The following SHB variants were observed in gnomAD, a reference collection of about 807,000 sequenced individuals.
The protein encoded by SHB is SH2 domain-containing adapter protein B.
In SHB, 20 loss-of-function variants were observed where a neutral mutation model predicts 52.3. The ratio of observed to expected loss-of-function variants is 0.38; its 90% confidence interval spans 0.27 to 0.56. SHB has a LOEUF of 0.56. Ranked by LOEUF, SHB falls within the 20% of genes least tolerant of loss-of-function variation. SHB has a pLI of 0.71. For synonymous variants in SHB, 397 were observed against 316.5 expected, an observed-to-expected ratio of 1.25 and a Z score of -2.70; for missense variants, 825 against 723.3, an observed-to-expected ratio of 1.14 and a Z score of -1.61.
chr9:37,983,816 G>A (rs981713976), intron 2 of SHB, among the ~76,000 whole-genome samples: 3 of 152,320 alleles, frequency 2.0e-5, no homozygotes, highest in African/African-American at 7.2e-5. Context: ...GGGCCCCAGC[G>A]GTGTCAGGAA....
intron 1 of SHB, among the ~76,000 whole-genome samples, chr9:38,026,034 C>A (rs1342415316): frequency 6.6e-6 from 1 of 152,234 alleles, no homozygotes; most frequent in Non-Finnish European, 1.5e-5. Flanking sequence ...ATAGGCACAG[C>A]CTGTTGGTCC....
chr9:38,030,259 T>A (rs1034621583), intron 1 of SHB, among the ~76,000 whole-genome samples: 2 of 152,212 alleles, frequency 1.3e-5, no homozygotes, highest in Non-Finnish European at 2.9e-5. Flanking sequence ...TCCTGGACCA[T>A]GTACAACTTC....
intron 5 of SHB, among the ~76,000 whole-genome samples, chr9:37,921,408 T>C (rs1451473539): frequency 6.6e-6 from 1 of 152,220 alleles, no homozygotes; most frequent in African/African-American, 2.4e-5. Flanking sequence ...CCCACTCTAT[T>C]AACACCTTAA....
intron 1 of SHB, among the ~76,000 whole-genome samples, chr9:38,027,373 T>C (rs1414855376): frequency 1.3e-5 from 2 of 152,162 alleles, no homozygotes; most frequent in Non-Finnish European, 2.9e-5. Context: ...AAGGGATACA[T>C]AGTGCCTGTC....
intron 2 of SHB, among the ~76,000 whole-genome samples, chr9:38,011,431 T>C (rs549732108): frequency 1.3e-5 from 2 of 151,988 alleles, no homozygotes; most frequent in Non-Finnish European, 2.9e-5. Context: ...GACTGAACAA[T>C]TAGCCAGGCC....
intron 5 of SHB, among the ~76,000 whole-genome samples, chr9:37,944,082 G>A (rs932289516): frequency 3.9e-5 from 6 of 152,244 alleles, no homozygotes; most frequent in African/African-American, 1.4e-4. Flanking sequence ...CCAGGTCAAT[G>A]AGTTGGCGGG....
intron 1 of SHB, among the ~76,000 whole-genome samples, chr9:38,051,090 C>T (rs1821732741): frequency 1.3e-5 from 2 of 152,138 alleles, no homozygotes. Flanking sequence ...TTTTCAAAAC[C>T]AGGCCCACTT....
intron 2 of SHB, among the ~76,000 whole-genome samples, chr9:38,004,867 C>T (rs1004393708): frequency 9.9e-5 from 15 of 152,226 alleles, no homozygotes; most frequent in African/African-American, 3.6e-4. Context: ...CCCCATTGGC[C>T]AGGGCAGAGG....
intron 2 of SHB, among the ~76,000 whole-genome samples, chr9:37,995,034 C>T (rs1050967174): frequency 1.3e-5 from 2 of 152,136 alleles, no homozygotes; most frequent in Admixed American, 6.6e-5. Context: ...CATCTGCTTG[C>T]ATTTGGCACT....
chr9:38,016,211 T>G, intron 1 of SHB, 80 bp from the exon 2 acceptor site: 1 of 1,501,718 alleles, frequency 6.7e-7, no homozygotes, highest in Non-Finnish European at 9.1e-7. Context: ...GCTTTGGGCC[T>G]CAGCTAGATG....
intron 1 of SHB, among the ~76,000 whole-genome samples, chr9:38,026,550 G>A (rs1821346328): frequency 6.6e-6 from 1 of 152,222 alleles, no homozygotes; most frequent in Admixed American, 6.5e-5. Context: ...TCTTTATTGA[G>A]GATAGGCAGC....
intron 2 of SHB, among the ~76,000 whole-genome samples, chr9:38,002,823 G>A (rs1397604857): frequency 3.3e-5 from 5 of 152,298 alleles, no homozygotes; most frequent in East Asian, 3.9e-4. Context: ...CCAGGACCCT[G>A]CATCAAGTTC....
Position 38,068,538 on chromosome 9 carries a change from C to T in SHB, c.108G>A (p.Arg36=). ...DYREQRRRGE[R]PSQPPQAVPQ... Reference sequence around the variant, plus strand: ...GCACGGCCTGGGGGGGCTGCGAAGGCCGCTCGCCTCGGCGCCGCTGCTCGC... The same window carrying T: ...GCACGGCCTGGGGGGGCTGCGAAGGTCGCTCGCCTCGGCGCCGCTGCTCGC... The change falls in exon 1 of 6, where the codon CGG becomes CGA. Residue 36 remains arginine, a synonymous_variant. Transcript: ENST00000377707. 1.4e-6 allele frequency: 2 copies of T among 1,446,890 alleles called. No individual in the cohort carries two copies. Among genetic ancestry groups the T allele is most frequent in the South Asian group, 1.4e-5 (1 of 71,044 alleles). 89.6% of individuals were successfully genotyped at this position (1,446,890 alleles called of 1,614,324 possible). A position where few individuals can be genotyped will look rare whatever the true frequency, so the allele number is the denominator to read the frequency against.
intron 1 of SHB, among the ~76,000 whole-genome samples, chr9:38,029,990 T>A (rs1821393221): frequency 6.6e-6 from 1 of 152,176 alleles, no homozygotes; most frequent in African/African-American, 2.4e-5. Flanking sequence ...ACAGCATGCA[T>A]TGCAACTGGT....
chr9:37,935,909 G>C (rs1832363592), intron 5 of SHB, among the ~76,000 whole-genome samples: 2 of 143,630 alleles, frequency 1.4e-5, no homozygotes, highest in African/African-American at 5.4e-5. Flanking sequence ...TGAGCTTCCT[G>C]CTCTGCCTCA....
intron 3 of SHB, among the ~76,000 whole-genome samples, chr9:37,957,971 T>C (rs1042808360): frequency 4.0e-5 from 6 of 151,842 alleles, no homozygotes; most frequent in African/African-American, 1.2e-4. Flanking sequence ...TGGAAGGGAG[T>C]TGGGAAGGAA....
At chr9:37,968,059 T>C (rs762518331) in intron 3 of SHB, among the ~76,000 whole-genome samples, 4 of 152,184 alleles carry the variant, frequency 2.6e-5, no homozygotes, top group Non-Finnish European at 5.9e-5. Context: ...GGAATGAGCT[T>C]TGGAAACAGG....
At chr9:38,004,038 G>A (rs1292677547) in intron 2 of SHB, among the ~76,000 whole-genome samples, 2 of 152,304 alleles carry the variant, frequency 1.3e-5, no homozygotes, top group East Asian at 3.9e-4. Context: ...CCGGCCCATT[G>A]ACTGCCTGCC....
chr9:37,953,627 C>A (rs1052500849), intron 4 of SHB, among the ~76,000 whole-genome samples: 1 of 152,046 alleles, frequency 6.6e-6, no homozygotes, highest in Non-Finnish European at 1.5e-5. Context: ...GCCTGCCCAT[C>A]CATGGCCACC....
Sources: gnomAD v4.1 joint callset for allele counts (sites outside exome capture counted in the v4.1 genomes callset) on GRCh38, gnomAD v4.1.1 for gene constraint, MANE v1.5 for transcripts, NCBI Gene and HGNC (gene_info 2026-07-23, HGNC 2026-07-21) for gene names.